The following UBE2W variants were observed in gnomAD, a reference collection of about 807,000 sequenced individuals.
UBE2W encodes the protein ubiquitin-conjugating enzyme E2 W.
In UBE2W, 18 loss-of-function variants were observed where a neutral mutation model predicts 27.2. The observed-to-expected ratio is 0.66, with a 90% CI of 0.46 to 0.98. The LOEUF (loss-of-function observed/expected upper bound fraction) is 0.98, where lower values mean the gene tolerates loss of function less well. Among genes scored for constraint, UBE2W ranks in the 50% least tolerant of loss-of-function variants. UBE2W has a pLI of 0.00. For synonymous variants in UBE2W, 53 were observed against 57.2 expected, an observed-to-expected ratio of 0.93 and a Z score of 0.33; for missense variants, 90 against 180.2, an observed-to-expected ratio of 0.50 and a Z score of 2.87.
At chr8:73,811,886 A>G (rs1031219044) in intron 3 of UBE2W, among the ~76,000 whole-genome samples, 6 of 152,140 alleles carry the variant, frequency 3.9e-5, no homozygotes, top group African/African-American at 1.4e-4. Flanking sequence ...GGTAAATATG[A>G]ATAGAATAAG....
chr8:73,790,823 A>G lies in UBE2W; in HGVS notation c.*3279T>C. ...CACTACTCATTTCCATTATTTACCA[A>G]TTCATCTTTGATGCAACTTGGAAAC... On this transcript the variant is annotated 3_prime_UTR_variant, in exon 6 of 6. Coordinates refer to ENST00000602593, the MANE Select transcript of UBE2W (RefSeq NM_018299.6). The G allele has an allele frequency of 1.0e-6, 1 of 985,072 alleles. No homozygotes were observed. The highest frequency in any genetic ancestry group is 1.2e-6 in the Non-Finnish European group (1 of 829,580). The allele number at this position is 985,072 out of a possible 1,614,324, so 61.0% of individuals were successfully genotyped here.
intron 1 of UBE2W, among the ~76,000 whole-genome samples, chr8:73,841,107 A>G (rs988168821): frequency 1.6e-4 from 25 of 152,216 alleles, no homozygotes; most frequent in African/African-American, 4.8e-4. Flanking sequence ...ACAACCAACT[A>G]AAGATGGAAA....
chr8:73,790,782 A>G lies in UBE2W; in HGVS notation c.*3320T>C, dbSNP rs1370945806. On this transcript the variant is annotated 3_prime_UTR_variant, in exon 6 of 6. Coordinates refer to ENST00000602593, the MANE Select transcript of UBE2W (RefSeq NM_018299.6). Reference sequence around the variant, plus strand: ...CCAGAAACAAGTAATATGTAGTTACATAACCATTTTCATATCACTACTCAT... The same window carrying G: ...CCAGAAACAAGTAATATGTAGTTACGTAACCATTTTCATATCACTACTCAT... The G allele has an allele frequency of 1.0e-6, 1 of 981,130 alleles. No individual in the cohort carries two copies. The highest frequency in any genetic ancestry group is 1.2e-6 in the Non-Finnish European group (1 of 826,122). The allele number at this position is 981,130 out of a possible 1,614,324, so 60.8% of individuals were successfully genotyped here. A position where few individuals can be genotyped will look rare whatever the true frequency, so the allele number is the denominator to read the frequency against.
In UBE2W at chr8:73,789,792, C is replaced by T. The variant is rs776969134; in HGVS notation, c.*4310G>A. The T allele has an allele frequency of 4.1e-5, 22 of 530,962 alleles. No homozygotes were observed. The highest frequency in any genetic ancestry group is 1.5e-4 in the African/African-American group (7 of 48,242). 32.9% of individuals were successfully genotyped at this position (530,962 alleles called of 1,614,324 possible). ...GGTGGAGATTGAAATGAGCCAAGAT[C>T]GTGCACTGCACTAAAGCCCGGGTGA... On this transcript the variant is annotated 3_prime_UTR_variant, in exon 6 of 6. Coordinates refer to ENST00000602593, the MANE Select transcript of UBE2W (RefSeq NM_018299.6).
At chr8:73,813,063 A>C (rs547440663) in intron 3 of UBE2W, among the ~76,000 whole-genome samples, 142 of 127,726 alleles carry the variant, frequency 1.1e-3, no homozygotes, top group Non-Finnish European at 2.0e-3. Context: ...GTCAAGAAGA[A>C]TAGTGATCTG....
intron 3 of UBE2W, among the ~76,000 whole-genome samples, chr8:73,823,841 C>T (rs933373348): frequency 2.0e-5 from 3 of 152,164 alleles, no homozygotes; most frequent in Non-Finnish European, 4.4e-5. Context: ...TTACTTATAG[C>T]ATGATACAAT....
intron 1 of UBE2W, among the ~76,000 whole-genome samples, chr8:73,843,003 G>GTT (rs1435770287): frequency 6.6e-6 from 1 of 152,154 alleles, no homozygotes; most frequent in Non-Finnish European, 1.5e-5. Flanking sequence ...CAAAAAGAAT[G>GTT]AAGTACTGAC....
chr8:73,790,545 T>C lies in UBE2W; in HGVS notation c.*3557A>G. ...AAATTTTAAGCATTCAGCTAAGATATGTACAAAAAAATTAATGAAAGTGAG... is the reference window on the plus strand; with the variant it reads ...AAATTTTAAGCATTCAGCTAAGATACGTACAAAAAAATTAATGAAAGTGAG... On this transcript the variant is annotated 3_prime_UTR_variant, in exon 6 of 6. Coordinates refer to ENST00000602593, the MANE Select transcript of UBE2W (RefSeq NM_018299.6). 1 of 984,064 alleles carries C rather than the reference T, an allele frequency of 1.0e-6. No homozygotes were observed. The highest frequency in any genetic ancestry group is 1.2e-6 in the Non-Finnish European group (1 of 828,740). 61.0% of individuals were successfully genotyped at this position (984,064 alleles called of 1,614,324 possible). A position where few individuals can be genotyped will look rare whatever the true frequency, so the allele number is the denominator to read the frequency against.
intron 1 of UBE2W, among the ~76,000 whole-genome samples, chr8:73,841,526 A>G (rs1361521485): frequency 6.6e-6 from 1 of 152,228 alleles, no homozygotes; most frequent in Non-Finnish European, 1.5e-5. Context: ...CCACAAAAGG[A>G]GACAAATGTG....
chr8:73,806,358 T>C (rs938959567), intron 4 of UBE2W, among the ~76,000 whole-genome samples: 27 of 151,796 alleles, frequency 1.8e-4, no homozygotes, highest in African/African-American at 6.5e-4. Context: ...GCCACTGCAC[T>C]CCAGCTTGGG....
At chr8:73,823,364 T>C (rs570362552) in intron 3 of UBE2W, among the ~76,000 whole-genome samples, 5 of 152,368 alleles carry the variant, frequency 3.3e-5, no homozygotes, top group Admixed American at 6.5e-5. Flanking sequence ...CTTGGTTTCA[T>C]GCTTACAGAA....
intron 3 of UBE2W, among the ~76,000 whole-genome samples, chr8:73,818,685 C>G (rs998211926): frequency 6.6e-6 from 1 of 152,196 alleles, no homozygotes. Flanking sequence ...GTGTGGGTCA[C>G]TCTGGGTGTG....
At chr8:73,856,645 G>T (rs1473694748) in intron 1 of UBE2W, among the ~76,000 whole-genome samples, 1 of 151,344 alleles carries the variant, frequency 6.6e-6, no homozygotes, top group Non-Finnish European at 1.5e-5. Flanking sequence ...ATGAGCCACT[G>T]TGTCTGGCCA....
At chr8:73,823,936 T>A (rs1809726102) in intron 3 of UBE2W, among the ~76,000 whole-genome samples, 1 of 152,188 alleles carries the variant, frequency 6.6e-6, no homozygotes, top group Non-Finnish European at 1.5e-5. Flanking sequence ...TGAAATATGA[T>A]TTTCCTCCAA....
At chr8:73,795,654 C>T (rs924471331) in intron 5 of UBE2W, 14 of 433,866 alleles carry the variant, frequency 3.2e-5, no homozygotes, top group African/African-American at 3.0e-4. Context: ...TAGAGTATTC[C>T]ATGATCCAGT....
At chr8:73,839,469 T>C (rs1465426625) in intron 1 of UBE2W, among the ~76,000 whole-genome samples, 2 of 151,258 alleles carry the variant, frequency 1.3e-5, no homozygotes, top group African/African-American at 2.4e-5. Flanking sequence ...CTGACCAACA[T>C]GGTGAAACCC....
intron 3 of UBE2W, among the ~76,000 whole-genome samples, chr8:73,813,996 G>T (rs1809282883): frequency 1.3e-5 from 2 of 152,078 alleles, no homozygotes; most frequent in Non-Finnish European, 2.9e-5. Context: ...GCCTCCCAAA[G>T]TGCTGGGGTT....
chr8:73,801,712 C>G (rs945769363), intron 5 of UBE2W, among the ~76,000 whole-genome samples: 6 of 152,032 alleles, frequency 3.9e-5, no homozygotes, highest in Non-Finnish European at 8.8e-5. Flanking sequence ...TTTGTAAAGG[C>G]ATGAAGAAGC....
intron 4 of UBE2W, among the ~76,000 whole-genome samples, chr8:73,805,987 T>C (rs1034733371): frequency 2.0e-5 from 3 of 151,938 alleles, no homozygotes; most frequent in African/African-American, 4.8e-5. Context: ...ACCCAGTCTC[T>C]ACTAAAAATA....
Sources: allele counts gnomAD v4.1 joint callset (sites outside exome capture counted in the v4.1 genomes callset), GRCh38; gene constraint gnomAD v4.1.1; transcripts MANE v1.5; gene names NCBI Gene and HGNC (gene_info 2026-07-23, HGNC 2026-07-21).